The following SLC1A1 variants were observed in gnomAD, a reference collection of about 807,000 sequenced individuals.
SLC1A1 encodes the protein excitatory amino acid transporter 3.
In SLC1A1, 43 loss-of-function variants were observed where a neutral mutation model predicts 53.3. That is an observed-to-expected ratio of 0.81 (90% CI 0.63 to 1.04). The LOEUF (loss-of-function observed/expected upper bound fraction) is 1.04. SLC1A1 is among the 50% of genes least tolerant of loss of function. The pLI is 0.00. For missense variants in SLC1A1, 748 were observed against 664.9 expected (o/e 1.12, Z -1.37); for synonymous variants, 307 against 243.2 (o/e 1.26, Z -2.44).
At chr9:4,539,119 G>C (rs145786654) in intron 1 of SLC1A1, among the ~76,000 whole-genome samples, 9 of 152,098 alleles carry the variant, frequency 5.9e-5, no homozygotes, top group African/African-American at 2.2e-4. Flanking sequence ...AACAACAGAT[G>C]ATTTCAATCT....
intron 6 of SLC1A1, among the ~76,000 whole-genome samples, chr9:4,571,392 C>T (rs1280511632): frequency 6.6e-6 from 1 of 151,990 alleles, no homozygotes; most frequent in Non-Finnish European, 1.5e-5. Flanking sequence ...TAAAAAAATC[C>T]TGGCTGGGCA....
Position 4,583,887 on chromosome 9 carries a change from C to G in SLC1A1, c.1328+715C>G, listed in dbSNP as rs1378398177. 7.5e-6 allele frequency among the ~76,000 whole-genome samples: 1 copy of G among 133,452 alleles called. No individual in the cohort carries two copies. Among genetic ancestry groups the G allele is most frequent in the Non-Finnish European group, 1.5e-5 (1 of 65,218 alleles). The allele number at this position is 133,452 out of a possible 152,430, so 87.5% of individuals were successfully genotyped here. ...TCTCTCTCTCTCTCTCTCTCTCACA[C>G]ACACACACACACACACACACACACA... On this transcript the variant is annotated intron_variant, in intron 11 of 11. Coordinates refer to ENST00000262352, the MANE Select transcript of SLC1A1 (RefSeq NM_004170.6). This position sits in a 1 kb window ranked among gnomAD's most constrained non-coding sequence, Gnocchi z 4.6.
At chr9:4,530,160 A>T (rs1441258717) in intron 1 of SLC1A1, among the ~76,000 whole-genome samples, 4 of 152,038 alleles carry the variant, frequency 2.6e-5, no homozygotes, top group Non-Finnish European at 4.4e-5. Context: ...GGGGGAGAAA[A>T]TATAAAACAG....
chr9:4,562,513 T>G (rs1051767178), intron 3 of SLC1A1, among the ~76,000 whole-genome samples: 1 of 152,226 alleles, frequency 6.6e-6, no homozygotes, highest in South Asian at 2.1e-4. Flanking sequence ...TTGTTAAGGA[T>G]AAATCCCACT....
At chr9:4,535,028 C>G (rs1000783073) in intron 1 of SLC1A1, among the ~76,000 whole-genome samples, 6 of 152,142 alleles carry the variant, frequency 3.9e-5, no homozygotes, top group African/African-American at 7.2e-5. Context: ...TAAAAACTCT[C>G]AATAAATTAG....
At chr9:4,518,442 C>G (rs10114781) in intron 1 of SLC1A1, among the ~76,000 whole-genome samples, 36,990 of 151,586 alleles carry the variant, frequency 0.24, 4,743 homozygotes, top group South Asian at 0.38. Context: ...TCTCAGCTCA[C>G]TGAAGCCTCA....
intron 1 of SLC1A1, among the ~76,000 whole-genome samples, chr9:4,529,495 G>C (rs913021564): frequency 2.0e-5 from 3 of 152,146 alleles, no homozygotes; most frequent in Admixed American, 6.5e-5. Flanking sequence ...GCATCCAGCT[G>C]TCTTTGTAGT....
At chr9:4,502,171 G>C (rs921063118) in intron 1 of SLC1A1, among the ~76,000 whole-genome samples, 36 of 151,476 alleles carry the variant, frequency 2.4e-4, no homozygotes, top group Non-Finnish European at 4.4e-4. Context: ...CAGATGGCTT[G>C]AGCCCAGGAG....
intron 11 of SLC1A1, among the ~76,000 whole-genome samples, chr9:4,584,765 T>C (rs1450541648): frequency 6.6e-6 from 1 of 152,138 alleles, no homozygotes; most frequent in African/African-American, 2.4e-5. Context: ...GGCTGACCTG[T>C]GTTTTCTGAC....
chr9:4,585,663 T>C lies in SLC1A1; in HGVS notation c.*105T>C. ...AAACACTAATGGCCAAGTGTACATTTGATTTGATATACAGACCTCCAGATT... is the reference window on the plus strand; with the variant it reads ...AAACACTAATGGCCAAGTGTACATTCGATTTGATATACAGACCTCCAGATT... On this transcript the variant is annotated 3_prime_UTR_variant, in exon 12 of 12. Transcript: ENST00000262352. The C allele has an allele frequency of 7.4e-7, 1 of 1,350,882 alleles. No individual in the cohort carries two copies. Among genetic ancestry groups the C allele is most frequent in the East Asian group, 2.3e-5 (1 of 43,636 alleles). The allele number at this position is 1,350,882 out of a possible 1,614,324, so 83.7% of individuals were successfully genotyped here.
intron 1 of SLC1A1, among the ~76,000 whole-genome samples, chr9:4,505,339 G>A (rs375157594): frequency 2.6e-5 from 4 of 151,962 alleles, no homozygotes; most frequent in South Asian, 2.1e-4. Flanking sequence ...GTGAGCCACC[G>A]CACCCGGCCC....
chr9:4,541,725 G>C (rs909731624), intron 1 of SLC1A1, among the ~76,000 whole-genome samples: 1 of 152,116 alleles, frequency 6.6e-6, no homozygotes, highest in Non-Finnish European at 1.5e-5. Flanking sequence ...AAGTTTCAAC[G>C]GCTGAGATTT....
chr9:4,562,879 G>A (rs1195374712), intron 3 of SLC1A1, among the ~76,000 whole-genome samples: 2 of 149,560 alleles, frequency 1.3e-5, no homozygotes, highest in Non-Finnish European at 3.0e-5. Context: ...ATAAACATAC[G>A]TGTGCATGTG....
At chr9:4,523,033 G>C (rs562076456) in intron 1 of SLC1A1, among the ~76,000 whole-genome samples, 27 of 152,158 alleles carry the variant, frequency 1.8e-4, no homozygotes, top group Non-Finnish European at 3.4e-4. Context: ...TAAAAATCCT[G>C]AGATAGGTAC....
chr9:4,550,145 G>T (rs1215015742), intron 2 of SLC1A1, among the ~76,000 whole-genome samples: 1 of 152,098 alleles, frequency 6.6e-6, no homozygotes, highest in Non-Finnish European at 1.5e-5. Flanking sequence ...AACACTAGAC[G>T]TCAGGAGAAA....
intron 1 of SLC1A1, among the ~76,000 whole-genome samples, chr9:4,492,068 G>A (rs935089833): frequency 1.3e-5 from 2 of 152,168 alleles, no homozygotes; most frequent in African/African-American, 2.4e-5. Context: ...CCCTAGCAGA[G>A]GCTATTTGTA....
At chr9:4,548,992 T>C (rs1817707694) in intron 2 of SLC1A1, among the ~76,000 whole-genome samples, 1 of 152,138 alleles carries the variant, frequency 6.6e-6, no homozygotes, top group African/African-American at 2.4e-5. Flanking sequence ...TAACAGGAAA[T>C]AGCTTATGAA....
At chr9:4,498,597 A>G (rs1028626535) in intron 1 of SLC1A1, among the ~76,000 whole-genome samples, 2 of 152,036 alleles carry the variant, frequency 1.3e-5, no homozygotes, top group African/African-American at 4.8e-5. Flanking sequence ...AATGAGGAAT[A>G]TAGCTTTATG....
At chr9:4,498,588 A>T (rs1395661218) in intron 1 of SLC1A1, among the ~76,000 whole-genome samples, 1 of 152,074 alleles carries the variant, frequency 6.6e-6, no homozygotes, top group Non-Finnish European at 1.5e-5. Context: ...TTTGCTTTCA[A>T]TGAGGAATAT....
Sources: gnomAD v4.1 joint callset for allele counts (sites outside exome capture counted in the v4.1 genomes callset) on GRCh38, gnomAD v4.1.1 for gene constraint, Gnocchi (gnomAD v3.1) non-coding constraint, MANE v1.5 for transcripts, NCBI Gene and HGNC (gene_info 2026-07-23, HGNC 2026-07-21) for gene names.